Variants in FAM83B observed in about 807,000 individuals in gnomAD.
The protein encoded by FAM83B is scaffolding CK1 anchoring protein B.
Under a neutral mutation model 38.8 loss-of-function variants are expected in FAM83B, and 26 were observed. The observed-to-expected ratio is 0.67, with a 90% CI of 0.49 to 0.93. The LOEUF (loss-of-function observed/expected upper bound fraction) is 0.93, where lower values mean the gene tolerates loss of function less well. Ranked by LOEUF, FAM83B falls within the 40% of genes least tolerant of loss-of-function variation. FAM83B has a pLI of 0.00. For missense variants in FAM83B, 1,237 were observed against 1,197.3 expected (o/e 1.03, Z -0.49); for synonymous variants, 419 against 423.1 (o/e 0.99, Z 0.12).
chr6:54,848,299 C>T (rs1771189738), intron 1 of FAM83B, among the ~76,000 whole-genome samples: 1 of 152,172 alleles, frequency 6.6e-6, no homozygotes, highest in Non-Finnish European at 1.5e-5. Context: ...GGCTCAGGCA[C>T]ACGTGGGGTA....
intron 2 of FAM83B, among the ~76,000 whole-genome samples, chr6:54,885,718 C>A (rs1470423502): frequency 2.0e-5 from 3 of 150,542 alleles, no homozygotes; most frequent in Non-Finnish European, 4.4e-5. Context: ...ATCGCAAGGA[C>A]TAAAAACCAA....
chr6:54,934,175 AG>A (rs1296286674), intron 4 of FAM83B, among the ~76,000 whole-genome samples: 1 of 152,020 alleles, frequency 6.6e-6, no homozygotes, highest in Non-Finnish European at 1.5e-5. Context: ...TGTTTTCGGA[AG>A]TATTTTTATT....
rs770613110 is a variant in FAM83B, at chr6:54,941,817, C to T, written c.2846C>T (p.Pro949Leu). ...TGTAAGATTGAGAGCTCTATTCAGCCAACAAGCAACATGCCAAATACCAGT... is the reference window on the plus strand; with the variant it reads ...TGTAAGATTGAGAGCTCTATTCAGCTAACAAGCAACATGCCAAATACCAGT... ...PFCKIESSIQ[P>L]TSNMPNTSIN... Residue 949 changes from proline to leucine, a missense_variant, in exon 5 of 5, where the codon CCA becomes CTA. Pro to Leu is a moderately conservative substitution (Grantham distance 98). Coordinates refer to ENST00000306858, the MANE Select transcript of FAM83B (RefSeq NM_001010872.3). The T allele has an allele frequency of 1.9e-6, 3 of 1,614,066 alleles. No homozygotes were observed. Among genetic ancestry groups the T allele is most frequent in the Non-Finnish European group, 2.5e-6 (3 of 1,179,996 alleles).
intron 1 of FAM83B, among the ~76,000 whole-genome samples, chr6:54,848,832 AC>A (rs1771200239): frequency 6.6e-6 from 1 of 152,136 alleles, no homozygotes; most frequent in Non-Finnish European, 1.5e-5. Flanking sequence ...GTTGGAGGAG[AC>A]CTTTTGAAAA....
chr6:54,877,370 G>A (rs1041949717), intron 2 of FAM83B, among the ~76,000 whole-genome samples: 3 of 152,136 alleles, frequency 2.0e-5, no homozygotes, highest in South Asian at 2.1e-4. Context: ...AGTCATGAAG[G>A]TTTGCCATGG....
At chr6:54,879,362 CAGG>C (rs1772071988) in intron 2 of FAM83B, among the ~76,000 whole-genome samples, 1 of 152,134 alleles carries the variant, frequency 6.6e-6, no homozygotes, top group Non-Finnish European at 1.5e-5. Flanking sequence ...CCTAATAAAA[CAGG>C]AGATTATCTA....
intron 1 of FAM83B, among the ~76,000 whole-genome samples, chr6:54,865,153 G>A (rs923599737): frequency 6.6e-6 from 1 of 152,188 alleles, no homozygotes; most frequent in Non-Finnish European, 1.5e-5. Context: ...GCTTAAAACA[G>A]CTGAATATAT....
At chr6:54,899,450 T>G (rs1424996118) in intron 2 of FAM83B, among the ~76,000 whole-genome samples, 1 of 152,216 alleles carries the variant, frequency 6.6e-6, no homozygotes, top group East Asian at 1.9e-4. Flanking sequence ...TCTCTTCAAC[T>G]TGTTTTTGTC....
chr6:54,926,582 T>G (rs1034998161), intron 3 of FAM83B, 47 bp downstream of exon 3: 3 of 1,418,426 alleles, frequency 2.1e-6, no homozygotes, highest in Non-Finnish European at 2.8e-6. Flanking sequence ...TGTGTCATTT[T>G]CAACTCAGTC....
At chr6:54,911,251 T>G (rs1772902485) in intron 2 of FAM83B, among the ~76,000 whole-genome samples, 2 of 151,572 alleles carry the variant, frequency 1.3e-5, no homozygotes, top group African/African-American at 4.8e-5. Flanking sequence ...GATACAGATG[T>G]TAGAATTGAA....
chr6:54,902,874 C>G (rs146894250), intron 2 of FAM83B, among the ~76,000 whole-genome samples: 1 of 152,214 alleles, frequency 6.6e-6, no homozygotes, highest in East Asian at 1.9e-4. Flanking sequence ...AGGAGTAAAA[C>G]AAAATGATTT....
intron 2 of FAM83B, among the ~76,000 whole-genome samples, chr6:54,900,123 G>A (rs1772628186): frequency 6.6e-6 from 1 of 152,134 alleles, no homozygotes; most frequent in South Asian, 2.1e-4. Context: ...TGAAGTTTTT[G>A]TTGTACATTC....
chr6:54,874,420 T>C (rs1229566737), intron 2 of FAM83B, among the ~76,000 whole-genome samples: 1 of 152,150 alleles, frequency 6.6e-6, no homozygotes, highest in Non-Finnish European at 1.5e-5. Context: ...TTTTTCACTT[T>C]GTGATTGACA....
chr6:54,895,284 A>G (rs1056701191), intron 2 of FAM83B, among the ~76,000 whole-genome samples: 2 of 152,246 alleles, frequency 1.3e-5, no homozygotes, highest in Admixed American at 6.5e-5. Flanking sequence ...TAGAAAAGCC[A>G]TAGTCTTGGA....
At chr6:54,855,624 T>C (rs1412547673) in intron 1 of FAM83B, among the ~76,000 whole-genome samples, 1 of 152,110 alleles carries the variant, frequency 6.6e-6, no homozygotes, top group Non-Finnish European at 1.5e-5. Context: ...CCATTTAGCA[T>C]GTTAAATCTT....
rs535702900 is a variant in FAM83B at position 54,930,240 on chromosome 6, G to A, written c.734+2608G>A. ...TTTTTTCGAAACAAAGTTAATAATG[G>A]CCATTTTGTTTTTATTAATTGTGTT... On this transcript the variant is annotated intron_variant, in intron 4 of 4. Coordinates refer to ENST00000306858, the MANE Select transcript of FAM83B (RefSeq NM_001010872.3). Among the ~76,000 whole-genome samples the A allele has an allele frequency of 7.3e-4, 111 of 152,080 alleles. 2 individuals carry two copies. In the South Asian group the frequency reaches 0.019, roughly 26 times the overall value.
Position 54,852,949 on chromosome 6 carries a change from T to C in FAM83B, c.-61+6123T>C, listed in dbSNP as rs191245534. ...CGATTTTTGTTGCAATTTTTTTTTC[T>C]TTTTTTAAGCTCATTGGCTATTGTT... On this transcript the variant is annotated intron_variant, in intron 1 of 4. Coordinates refer to ENST00000306858, the MANE Select transcript of FAM83B (RefSeq NM_001010872.3). Among the ~76,000 whole-genome samples, 1,406 of 150,006 alleles carry C rather than the reference T, an allele frequency of 9.4e-3. 16 individuals carry two copies. Among genetic ancestry groups the C allele is most frequent in the Non-Finnish European group, 0.01 (706 of 67,398 alleles).
At chr6:54,930,509 C>T (rs1376399896) in intron 4 of FAM83B, among the ~76,000 whole-genome samples, 1 of 151,942 alleles carries the variant, frequency 6.6e-6, no homozygotes, top group Non-Finnish European at 1.5e-5. Flanking sequence ...CATTTTTCTC[C>T]CAAGATTGCT....
intron 2 of FAM83B, among the ~76,000 whole-genome samples, chr6:54,883,812 ATC>A (rs1299630409): frequency 3.3e-5 from 5 of 151,710 alleles, no homozygotes; most frequent in Non-Finnish European, 7.4e-5. Context: ...GAAATTCTTA[ATC>A]TCAGTGTAGC....
Sources: gnomAD v4.1 joint callset for allele counts (sites outside exome capture counted in the v4.1 genomes callset) on GRCh38, gnomAD v4.1.1 for gene constraint, MANE v1.5 for transcripts, NCBI Gene and HGNC (gene_info 2026-07-23, HGNC 2026-07-21) for gene names.